CPA6: variants seen among roughly 807,000 people sequenced by gnomAD.
CPA6 encodes the protein carboxypeptidase A6.
In CPA6, 58 loss-of-function variants were observed where a neutral mutation model predicts 63.3. The observed-to-expected ratio is 0.92, with a 90% CI of 0.74 to 1.14. The LOEUF (loss-of-function observed/expected upper bound fraction) is 1.14, where lower values mean the gene tolerates loss of function less well. Among genes scored for constraint, CPA6 ranks in the 50% most tolerant of loss-of-function variants. CPA6 has a pLI of 0.00. For synonymous variants in CPA6, 185 were observed against 179.0 expected, an observed-to-expected ratio of 1.03 and a Z score of -0.27; for missense variants, 565 against 526.6, an observed-to-expected ratio of 1.07 and a Z score of -0.71.
chr8:67,668,642 T>C (rs1436443854), intron 1 of CPA6, among the ~76,000 whole-genome samples: 2 of 152,202 alleles, frequency 1.3e-5, no homozygotes, highest in African/African-American at 4.8e-5. Context: ...TGGATTGATT[T>C]GTTTCAGAGT....
intron 1 of CPA6, among the ~76,000 whole-genome samples, chr8:67,633,215 T>C (rs186409761): frequency 1.1e-4 from 16 of 152,338 alleles, no homozygotes; most frequent in Admixed American, 3.3e-4. Context: ...TTCCATTTTT[T>C]CCCCATAGGA....
chr8:67,574,829 AT>A (rs913692512), intron 2 of CPA6, among the ~76,000 whole-genome samples: 173 of 147,218 alleles, frequency 1.2e-3, no homozygotes, highest in African/African-American at 3.3e-3. Flanking sequence ...CCAGCCTACG[AT>A]TTTTTTTTTT....
At chr8:67,593,640 T>C (rs991960102) in intron 2 of CPA6, among the ~76,000 whole-genome samples, 1 of 152,236 alleles carries the variant, frequency 6.6e-6, no homozygotes, top group Non-Finnish European at 1.5e-5. Context: ...CATTATGTAA[T>C]GGCCTTCTTT....
chr8:67,470,338 T>C (rs1252575100), intron 8 of CPA6, among the ~76,000 whole-genome samples: 1 of 152,200 alleles, frequency 6.6e-6, no homozygotes, highest in Non-Finnish European at 1.5e-5. Context: ...CCTTGGATCA[T>C]GTTTCTGATG....
chr8:67,738,118 G>T (rs1817848930), intron 1 of CPA6, among the ~76,000 whole-genome samples: 1 of 152,186 alleles, frequency 6.6e-6, no homozygotes, highest in African/African-American at 2.4e-5. Context: ...GTGAAAGGGA[G>T]AATGGGCTGG....
At chr8:67,736,484 G>A (rs1056779423) in intron 1 of CPA6, among the ~76,000 whole-genome samples, 12 of 152,106 alleles carry the variant, frequency 7.9e-5, no homozygotes, top group African/African-American at 2.9e-4. Flanking sequence ...CAGTGGATAC[G>A]ACTTTGCAGC....
At chr8:67,514,769 G>A (rs1157922871) in intron 3 of CPA6, among the ~76,000 whole-genome samples, 1 of 152,204 alleles carries the variant, frequency 6.6e-6, no homozygotes, top group Non-Finnish European at 1.5e-5. Flanking sequence ...AAGCATGTGA[G>A]TGGTTACTGA....
chr8:67,475,889 T>C lies in CPA6; in HGVS notation c.838+7879A>G, dbSNP rs866406166. Among the ~76,000 whole-genome samples the C allele has an allele frequency of 9.6e-3, 517 of 54,088 alleles. 1 individual carries two copies. The highest frequency in any genetic ancestry group is 0.012 in the Admixed American group (59 of 5,050). 35.5% of individuals were successfully genotyped at this position (54,088 alleles called of 152,430 possible). On this transcript the variant is annotated intron_variant, in intron 8 of 10. Transcript: ENST00000297770. ...TTTCTTTCTTTCTTTCTCCTTTCTT[T>C]CTTTCTTTCTTTCTTTCTTTCTTTC...
At chr8:67,548,099 CT>C (rs1563995331) in intron 2 of CPA6, among the ~76,000 whole-genome samples, 1 of 141,820 alleles carries the variant, frequency 7.1e-6, no homozygotes, top group Non-Finnish European at 1.5e-5. Context: ...CTCTCTTTCT[CT>C]TTCCTTCCTT....
chr8:67,650,343 G>A (rs890605316), intron 1 of CPA6, among the ~76,000 whole-genome samples: 5 of 152,052 alleles, frequency 3.3e-5, no homozygotes, highest in African/African-American at 1.2e-4. Context: ...GTAGGTCAGC[G>A]GGGTTCGATC....
At chr8:67,688,444 T>C (rs1816749964) in intron 1 of CPA6, among the ~76,000 whole-genome samples, 1 of 152,124 alleles carries the variant, frequency 6.6e-6, no homozygotes, top group South Asian at 2.1e-4. Context: ...CCTTATTACT[T>C]CAGTAATCAA....
At chr8:67,583,871 C>T (rs569993142) in intron 2 of CPA6, among the ~76,000 whole-genome samples, 1 of 152,146 alleles carries the variant, frequency 6.6e-6, no homozygotes, top group South Asian at 2.1e-4. Flanking sequence ...ATAAAAAGGG[C>T]TCATGGCCAG....
At chr8:67,629,479 C>CAAAA (rs34412333) in intron 1 of CPA6, among the ~76,000 whole-genome samples, 1,106 of 93,946 alleles carry the variant, frequency 0.012, 20 homozygotes, top group African/African-American at 0.03. Context: ...GACCCTGTCT[C>CAAAA]AAAAAAAAAA....
intron 1 of CPA6, among the ~76,000 whole-genome samples, chr8:67,690,784 AT>A (rs1374033429): frequency 2.6e-5 from 4 of 152,214 alleles, no homozygotes; most frequent in Non-Finnish European, 5.9e-5. Flanking sequence ...TACATATTTA[AT>A]TTTTGGCTAG....
chr8:67,427,968 T>C (rs1809930555), intron 10 of CPA6, 79 bp downstream of exon 10: 1 of 925,566 alleles, frequency 1.1e-6, no homozygotes, highest in African/African-American at 1.7e-5. Flanking sequence ...ACACACTTTC[T>C]CCCTTCTAAA....
intron 1 of CPA6, among the ~76,000 whole-genome samples, chr8:67,670,967 A>G (rs1210799993): frequency 6.6e-6 from 1 of 152,222 alleles, no homozygotes; most frequent in Admixed American, 6.5e-5. Context: ...GTAGACACAA[A>G]CACATAAACT....
chr8:67,731,394 ACTT>A (rs1817702529), intron 1 of CPA6, among the ~76,000 whole-genome samples: 1 of 152,180 alleles, frequency 6.6e-6, no homozygotes, highest in Admixed American at 6.5e-5. Context: ...CCATCCTCTC[ACTT>A]CTTCCACAAT....
At chr8:67,666,643 C>A (rs1240959110) in intron 1 of CPA6, among the ~76,000 whole-genome samples, 2 of 152,114 alleles carry the variant, frequency 1.3e-5, no homozygotes, top group Non-Finnish European at 2.9e-5. Context: ...AGGCAAGGTG[C>A]CTGGCGATCA....
intron 2 of CPA6, among the ~76,000 whole-genome samples, chr8:67,541,164 C>T (rs1443219384): frequency 6.6e-6 from 1 of 152,084 alleles, no homozygotes; most frequent in African/African-American, 2.4e-5. Flanking sequence ...ACCCACGGCC[C>T]TGGTGATGTA....
Sources: gnomAD v4.1 joint callset for allele counts (sites outside exome capture counted in the v4.1 genomes callset) on GRCh38, gnomAD v4.1.1 for gene constraint, MANE v1.5 for transcripts, NCBI Gene and HGNC (gene_info 2026-07-23, HGNC 2026-07-21) for gene names.